Variants in NRG1 observed in about 807,000 individuals in gnomAD.
NRG1 encodes neuregulin 1, also known as pro-neuregulin-1, membrane-bound isoform.
Under a neutral mutation model 63.8 loss-of-function variants are expected in NRG1, and 18 were observed. The observed-to-expected ratio is 0.28, with a 90% CI of 0.19 to 0.42. The LOEUF (loss-of-function observed/expected upper bound fraction) is 0.42, where lower values mean the gene tolerates loss of function less well. Ranked by LOEUF, NRG1 falls within the 10% of genes least tolerant of loss-of-function variation. The pLI, the probability that NRG1 is intolerant of heterozygous loss-of-function variation, is 1.00. For missense variants in NRG1, 762 were observed against 814.7 expected, an observed-to-expected ratio of 0.94 and a Z score of 0.79; for synonymous variants, 302 against 301.3, an observed-to-expected ratio of 1.00 and a Z score of -0.02.
At position 32,203,188 on chromosome 8, in the gene NRG1, CTTT is replaced by C. The variant is rs11311144; in HGVS notation, c.38-392617_38-392615del. Among the ~76,000 whole-genome samples the C allele has an allele frequency of 8.1e-3, 500 of 61,472 alleles. 2 individuals are homozygous for C. The highest frequency in any genetic ancestry group is 0.012 in the Non-Finnish European group (397 of 32,150). 40.3% of individuals were successfully genotyped at this position (61,472 alleles called of 152,430 possible). A position where few individuals can be genotyped will look rare whatever the true frequency, so the allele number is the denominator to read the frequency against. On this transcript the variant is annotated intron_variant, in intron 1 of 10. Coordinates refer to the NRG1 transcript ENST00000519301. ...TCTTGGGGAACTTTAAGCAAGCCAG[CTTT>C]TTTTTTTTTTTTTTTTTTTTTTAGG...
chr8:32,235,165 A>G (rs934817273), intron 1 of NRG1, among the ~76,000 whole-genome samples: 11 of 143,780 alleles, frequency 7.7e-5, no homozygotes, highest in African/African-American at 2.5e-4. Flanking sequence ...AGGCCAAGGC[A>G]GGAGGATTGC....
chr8:32,201,546 G>C (rs1843500697), intron 1 of NRG1, among the ~76,000 whole-genome samples: 1 of 152,152 alleles, frequency 6.6e-6, no homozygotes, highest in Non-Finnish European at 1.5e-5. Context: ...TTACAATCTT[G>C]AATTGAATCT....
At chr8:32,344,915 C>A (rs1421597115) in intron 1 of NRG1, among the ~76,000 whole-genome samples, 2 of 152,178 alleles carry the variant, frequency 1.3e-5, no homozygotes, top group Admixed American at 1.3e-4. Flanking sequence ...GAAGACGGAT[C>A]TCTCTGAGCC....
chr8:31,934,201 T>C lies in NRG1; in HGVS notation c.37+294770T>C, dbSNP rs116495807. On this transcript the variant is annotated intron_variant, in intron 1 of 10. Coordinates refer to the NRG1 transcript ENST00000519301. ...AAACTTTTTTGATGTATATGTTGAA[T>C]AAGTTGCAAAGTTGAAGTCTGTTCC... Among the ~76,000 whole-genome samples the C allele has an allele frequency of 7.2e-3, 1,102 of 152,200 alleles. 12 individuals carry two copies. Among genetic ancestry groups the C allele is most frequent in the African/African-American group, 0.018 (740 of 41,514 alleles).
intron 5 of NRG1, among the ~76,000 whole-genome samples, chr8:32,681,122 G>A (rs117186083): frequency 0.021 from 3,187 of 152,206 alleles, 56 homozygotes; most frequent in South Asian, 0.049. Flanking sequence ...AAGAGAGTAG[G>A]AATCAGATAT....
chr8:32,666,865 T>C (rs1184947453), intron 5 of NRG1, among the ~76,000 whole-genome samples: 2 of 152,234 alleles, frequency 1.3e-5, no homozygotes, highest in Non-Finnish European at 2.9e-5. Flanking sequence ...AATCATGCGT[T>C]ATTTGTCTCA....
intron 1 of NRG1, among the ~76,000 whole-genome samples, chr8:31,702,911 G>C (rs1403834588): frequency 6.6e-6 from 1 of 151,698 alleles, no homozygotes; most frequent in Non-Finnish European, 1.5e-5. Context: ...TGTTTACAAG[G>C]CCTGCAGTAT....
intron 1 of NRG1, among the ~76,000 whole-genome samples, chr8:31,989,975 G>A (rs1202527041): frequency 2.0e-5 from 3 of 152,110 alleles, no homozygotes; most frequent in Non-Finnish European, 4.4e-5. Context: ...TTCTATGAGA[G>A]CATTGCAAAT....
intron 5 of NRG1, among the ~76,000 whole-genome samples, chr8:32,670,072 G>A (rs189263012): frequency 5.9e-5 from 9 of 152,190 alleles, no homozygotes; most frequent in East Asian, 3.9e-4. Flanking sequence ...GAATTTTTAC[G>A]TTTGATTTGT....
chr8:32,402,365 G>A (rs1220092139), intron 1 of NRG1, among the ~76,000 whole-genome samples: 2 of 151,852 alleles, frequency 1.3e-5, no homozygotes, highest in African/African-American at 2.4e-5. Context: ...CCTCTGATTC[G>A]TGGCTTTGAT....
chr8:32,664,296 G>T (rs752340156), intron 5 of NRG1, among the ~76,000 whole-genome samples: 18 of 151,142 alleles, frequency 1.2e-4, no homozygotes, highest in Non-Finnish European at 2.4e-4. Flanking sequence ...CCTTTAGTTT[G>T]AGGTGAAAAA....
intron 1 of NRG1, among the ~76,000 whole-genome samples, chr8:32,126,491 A>G (rs542195938): frequency 2.2e-4 from 34 of 151,992 alleles, no homozygotes; most frequent in African/African-American, 7.7e-4. Flanking sequence ...TCATTGTCAC[A>G]GCTGTTGGGG....
At chr8:32,072,821 A>G (rs538466172) in intron 1 of NRG1, among the ~76,000 whole-genome samples, 2 of 152,280 alleles carry the variant, frequency 1.3e-5, no homozygotes, top group Non-Finnish European at 2.9e-5. Context: ...CAATAATGGC[A>G]CAAATTACAA....
At chr8:32,142,186 G>A (rs1421747294) in intron 1 of NRG1, among the ~76,000 whole-genome samples, 2 of 152,172 alleles carry the variant, frequency 1.3e-5, no homozygotes, top group Non-Finnish European at 2.9e-5. Context: ...GGTATCTGGT[G>A]GGTCTCTTCA....
intron 1 of NRG1, among the ~76,000 whole-genome samples, chr8:32,294,502 G>T (rs915315253): frequency 1.1e-4 from 17 of 152,236 alleles, no homozygotes; most frequent in African/African-American, 4.1e-4. Context: ...CTTTTTAAAC[G>T]TCTAGATTCC....
intron 6 of NRG1, 122 bp from the exon 7 acceptor site, chr8:32,741,886 T>G: frequency 1.5e-6 from 1 of 654,046 alleles, no homozygotes; most frequent in East Asian, 2.7e-5. Flanking sequence ...TTTCTTTTCT[T>G]TATATTGCTT....
At chr8:32,654,242 T>A (rs528320931) in intron 5 of NRG1, among the ~76,000 whole-genome samples, 1 of 152,322 alleles carries the variant, frequency 6.6e-6, no homozygotes, top group Non-Finnish European at 1.5e-5. Context: ...ATATGTTACG[T>A]TATCATAATT....
In NRG1 at chr8:32,437,306, TTTTG is replaced by T. The variant is rs201526366; in HGVS notation, c.38-158510_38-158507del. 9.8e-3 allele frequency among the ~76,000 whole-genome samples: 1,493 copies of T among 152,162 alleles called. 37 individuals carry two copies. Among genetic ancestry groups the T allele is most frequent in the African/African-American group, 0.034 (1,395 of 41,524 alleles). On this transcript the variant is annotated intron_variant, in intron 1 of 10. Transcript: ENST00000519301. ...TCCTGTGTGCCTCCTTTAGTGTTTT[TTTTG>T]TTTGTTTGTTTTTGTTTGTTTGTTT...
At chr8:32,757,828 C>T (rs1425343063) in intron 9 of NRG1, among the ~76,000 whole-genome samples, 1 of 152,162 alleles carries the variant, frequency 6.6e-6, no homozygotes, top group Non-Finnish European at 1.5e-5. Flanking sequence ...AGGTAATTTG[C>T]ATAAAACACT....
Sources: gnomAD v4.1 joint callset for allele counts (sites outside exome capture counted in the v4.1 genomes callset) on GRCh38, gnomAD v4.1.1 for gene constraint, MANE v1.5 for transcripts, NCBI Gene and HGNC (gene_info 2026-07-23, HGNC 2026-07-21) for gene names.